The following ALK variants were observed in gnomAD, a reference collection of about 807,000 sequenced individuals.
ALK encodes ALK receptor tyrosine kinase, also known as ALK tyrosine kinase receptor.
Under a neutral mutation model 163.1 loss-of-function variants are expected in ALK, and 74 were observed. The observed-to-expected ratio is 0.45, with a 90% confidence interval of 0.38 to 0.55. ALK has a LOEUF of 0.55. Among genes scored for constraint, ALK ranks in the 20% least tolerant of loss-of-function variants. ALK has a pLI of 0.00. For synonymous variants in ALK, 960 were observed against 843.2 expected (o/e 1.14, Z -2.40); for missense variants, 2,063 against 2,105.3 (o/e 0.98, Z 0.39).
rs11295853 is a variant in ALK, at chr2:29,385,119, ATT to A, written c.1155-1262_1155-1261del. On this transcript the variant is annotated intron_variant, in intron 4 of 28. Coordinates refer to ENST00000389048, the MANE Select transcript of ALK (RefSeq NM_004304.5). ...CTATGAAATCATCACAATATTTCAC[ATT>A]TTTTTTTTTTTTACCAGTAGGTTGG... is the stretch of plus-strand genomic sequence containing the variant. Among the ~76,000 whole-genome samples the A allele has an allele frequency of 1.1e-3, 164 of 147,016 alleles. 2 individuals are homozygous for A. The highest frequency in any genetic ancestry group is 6.1e-3 in the East Asian group (31 of 5,074).
intron 5 of ALK, among the ~76,000 whole-genome samples, chr2:29,361,764 C>T (rs552834838): frequency 7.2e-5 from 11 of 152,286 alleles, no homozygotes; most frequent in Admixed American, 5.9e-4. Context: ...TGGTTGGCCA[C>T]GTGATCCTTG....
chr2:29,909,480 CAGAGAGAGAGAGAGAG>C (rs369360033), intron 1 of ALK, among the ~76,000 whole-genome samples: 14 of 135,890 alleles, frequency 1.0e-4, no homozygotes, highest in South Asian at 5.2e-4. Flanking sequence ...GACAGACAGA[CAGAGAGAGAGAGAGAG>C]AGAGAGAGAG....
chr2:29,541,496 G>T (rs993303858), intron 3 of ALK, among the ~76,000 whole-genome samples: 7 of 152,112 alleles, frequency 4.6e-5, no homozygotes, highest in African/African-American at 1.7e-4. Context: ...TCACCATGTT[G>T]AACAGGCTGG....
chr2:29,444,380 A>T (rs1670619696), intron 4 of ALK, among the ~76,000 whole-genome samples: 1 of 152,146 alleles, frequency 6.6e-6, no homozygotes, highest in South Asian at 2.1e-4. Flanking sequence ...GTGGGTGCTC[A>T]CTGGGCATCA....
chr2:29,378,164 G>A (rs1044863499), intron 5 of ALK, among the ~76,000 whole-genome samples: 7 of 152,148 alleles, frequency 4.6e-5, no homozygotes, highest in African/African-American at 1.7e-4. Context: ...TAGTGGCAGT[G>A]GTCCATTTCA....
chr2:29,826,255 A>AAAG (rs1665194554), intron 1 of ALK, among the ~76,000 whole-genome samples: 1 of 113,454 alleles, frequency 8.8e-6, no homozygotes, highest in Non-Finnish European at 1.9e-5. Flanking sequence ...CTATTACAGA[A>AAAG]AAAGAAAGAG....
chr2:29,805,190 CTG>C (rs760935395), intron 1 of ALK, among the ~76,000 whole-genome samples: 24 of 152,224 alleles, frequency 1.6e-4, no homozygotes, highest in Admixed American at 2.0e-4. Context: ...CACAGAATGA[CTG>C]TGAGGGCAGC....
intron 8 of ALK, among the ~76,000 whole-genome samples, chr2:29,314,429 G>A (rs2148244777): frequency 6.6e-6 from 1 of 152,246 alleles, no homozygotes; most frequent in African/African-American, 2.4e-5. Context: ...GACGTCAGGG[G>A]TGGAAAGGTT....
chr2:29,741,672 A>G (rs1376546477), intron 1 of ALK, among the ~76,000 whole-genome samples: 1 of 152,184 alleles, frequency 6.6e-6, no homozygotes, highest in Non-Finnish European at 1.5e-5. Flanking sequence ...AGCTGACAGC[A>G]ACCAAGCTCA....
intron 9 of ALK, among the ~76,000 whole-genome samples, chr2:29,281,497 C>T (rs937918577): frequency 6.6e-5 from 10 of 152,210 alleles, no homozygotes; most frequent in African/African-American, 1.2e-4. Flanking sequence ...CTTCATAGTT[C>T]GTACCTGCTC....
intron 1 of ALK, among the ~76,000 whole-genome samples, chr2:29,909,583 A>G (rs181554519): frequency 6.6e-6 from 1 of 152,202 alleles, no homozygotes; most frequent in Admixed American, 6.5e-5. Context: ...TTGTGCATTC[A>G]TACAGTGAGA....
chr2:29,845,660 C>T (rs1665824261), intron 1 of ALK, among the ~76,000 whole-genome samples: 1 of 152,180 alleles, frequency 6.6e-6, no homozygotes, highest in African/African-American at 2.4e-5. Flanking sequence ...TTTCAAACTC[C>T]TGACCTCAGG....
intron 1 of ALK, among the ~76,000 whole-genome samples, chr2:29,729,055 G>C (rs987622909): frequency 6.6e-6 from 1 of 152,162 alleles, no homozygotes; most frequent in African/African-American, 2.4e-5. Context: ...GCCTTTTCTC[G>C]GATGCTCAGT....
At chr2:29,360,280 A>G (rs2148286066) in intron 5 of ALK, among the ~76,000 whole-genome samples, 1 of 152,292 alleles carries the variant, frequency 6.6e-6, no homozygotes, top group African/African-American at 2.4e-5. Context: ...GAGTCTTCAC[A>G]GCCATGAGTG....
At chr2:29,711,532 T>G (rs1679100435) in intron 2 of ALK, among the ~76,000 whole-genome samples, 1 of 152,088 alleles carries the variant, frequency 6.6e-6, no homozygotes, top group African/African-American at 2.4e-5. Context: ...AGAGCACAAC[T>G]AAGCATACAC....
chr2:29,906,937 GTTTTTTTTTTTTT>G (rs70962250), intron 1 of ALK, among the ~76,000 whole-genome samples: 1 of 80,042 alleles, frequency 1.2e-5, no homozygotes, highest in East Asian at 4.4e-4. Context: ...TACATTTAAG[GTTTTTTTTTTTTT>G]TTTTTTTTTT....
intron 3 of ALK, among the ~76,000 whole-genome samples, chr2:29,585,648 T>C (rs1674864415): frequency 6.6e-6 from 1 of 152,148 alleles, no homozygotes; most frequent in Admixed American, 6.5e-5. Flanking sequence ...TTTTACAAAA[T>C]TAAAATAATA....
chr2:29,690,079 C>T (rs959969015), intron 3 of ALK, among the ~76,000 whole-genome samples: 2 of 152,242 alleles, frequency 1.3e-5, no homozygotes, highest in Admixed American at 6.5e-5. Context: ...GTTAAAACAG[C>T]CACAGGAAAC....
rs145513825 is a variant in ALK at position 29,661,285 on chromosome 2, A to G, written c.952+33565T>C. 1.5e-3 allele frequency among the ~76,000 whole-genome samples: 233 copies of G among 152,310 alleles called. 1 individual carries two copies. The highest frequency in any genetic ancestry group is 5.2e-3 in the African/African-American group (217 of 41,580). On this transcript the variant is annotated intron_variant, in intron 3 of 28. Coordinates refer to ENST00000389048, the MANE Select transcript of ALK (RefSeq NM_004304.5). ...CTGACTTCACTGTCTCCAGTGCATC[A>G]TGCTAACCCTCCTGCTTCTCCTCTC...
Sources: gnomAD v4.1 joint callset for allele counts (sites outside exome capture counted in the v4.1 genomes callset) on GRCh38, gnomAD v4.1.1 for gene constraint, MANE v1.5 for transcripts, NCBI Gene and HGNC (gene_info 2026-07-23, HGNC 2026-07-21) for gene names.